NCKAP5: variants seen among roughly 807,000 people sequenced by gnomAD.
NCKAP5 encodes nck-associated protein 5.
NCKAP5 carries 92 observed loss-of-function variants against 167.0 expected under a neutral mutation model. The observed-to-expected ratio is 0.55, with a 90% CI of 0.47 to 0.66. The LOEUF is 0.66. NCKAP5 is among the 30% of genes least tolerant of loss of function. The pLI, the probability that NCKAP5 is intolerant of heterozygous loss-of-function variation, is 0.00. For synonymous variants in NCKAP5, 891 were observed against 877.4 expected, an observed-to-expected ratio of 1.02 and a Z score of -0.27; for missense variants, 2,378 against 2,315.0, an observed-to-expected ratio of 1.03 and a Z score of -0.56.
intron 6 of NCKAP5, among the ~76,000 whole-genome samples, chr2:133,085,221 C>A (rs1292416005): frequency 6.6e-6 from 1 of 152,076 alleles, no homozygotes; most frequent in African/African-American, 2.4e-5. Context: ...AAACATAGTA[C>A]TGCTAAGAAG....
chr2:133,257,391 T>A (rs1164213246), intron 4 of NCKAP5, among the ~76,000 whole-genome samples: 1 of 152,120 alleles, frequency 6.6e-6, no homozygotes, highest in East Asian at 1.9e-4. Context: ...ATAACAGGCG[T>A]AAGAATGGAG....
chr2:133,187,446 T>G (rs1367083586), intron 5 of NCKAP5, among the ~76,000 whole-genome samples: 2 of 152,080 alleles, frequency 1.3e-5, no homozygotes, highest in East Asian at 3.9e-4. Flanking sequence ...TCCCAGCTAC[T>G]TTGGAAGCTA....
chr2:132,775,136 G>A (rs10496693), intron 15 of NCKAP5, among the ~76,000 whole-genome samples: 42,298 of 152,092 alleles, frequency 0.28, 6,181 homozygotes, highest in East Asian at 0.42. Context: ...AGGCACGTAC[G>A]TTAGAGGTTG....
chr2:133,480,334 T>C (rs1390994213), intron 3 of NCKAP5, among the ~76,000 whole-genome samples: 1 of 152,174 alleles, frequency 6.6e-6, no homozygotes, highest in East Asian at 1.9e-4. Flanking sequence ...ATAGTTCTGC[T>C]TTCTCCTCCC....
At chr2:133,312,325 C>T (rs1681297507) in intron 3 of NCKAP5, among the ~76,000 whole-genome samples, 1 of 152,158 alleles carries the variant, frequency 6.6e-6, no homozygotes, top group African/African-American at 2.4e-5. Flanking sequence ...CAGAGTAAAA[C>T]ATACTTCAAT....
At position 132,672,996 on chromosome 2, in the gene NCKAP5, C is replaced by A. The variant is rs1408590021; in HGVS notation, c.*293G>T. On this transcript the variant is annotated 3_prime_UTR_variant, in exon 20 of 20. Transcript: ENST00000409261. ...CCCATCATTTCTTAAGCGCTCCAGTCCCAGCTCACTAAGGGAAGAGATGTC... is the reference window on the plus strand; with the variant it reads ...CCCATCATTTCTTAAGCGCTCCAGTACCAGCTCACTAAGGGAAGAGATGTC... 4.3e-6 allele frequency: 4 copies of A among 931,562 alleles called. No homozygotes were observed. The highest frequency in any genetic ancestry group is 5.0e-6 in the Non-Finnish European group (4 of 800,746). 57.7% of individuals were successfully genotyped at this position (931,562 alleles called of 1,614,324 possible).
chr2:133,084,566 T>G (rs928719444), intron 6 of NCKAP5, among the ~76,000 whole-genome samples: 2 of 152,188 alleles, frequency 1.3e-5, no homozygotes, highest in African/African-American at 4.8e-5. Flanking sequence ...ACTAAATGTC[T>G]TCACCAGGCT....
intron 16 of NCKAP5, among the ~76,000 whole-genome samples, chr2:132,758,718 T>C (rs1680759729): frequency 6.6e-6 from 1 of 152,020 alleles, no homozygotes. Flanking sequence ...GCTCCAAAGG[T>C]AGACAGGAAG....
chr2:133,587,751 G>T, the NCKAP5 span, among the ~76,000 whole-genome samples: 2 of 152,152 alleles, frequency 1.3e-5, no homozygotes, highest in Admixed American at 6.5e-5. Flanking sequence ...CTCTCTGAAG[G>T]CAGCATGCTA....
At chr2:132,957,643 C>A (rs1362643167) in intron 8 of NCKAP5, among the ~76,000 whole-genome samples, 6 of 152,180 alleles carry the variant, frequency 3.9e-5, no homozygotes, top group Non-Finnish European at 8.8e-5. Context: ...AATCCCTCTT[C>A]CCCAAGGCAG....
At chr2:133,367,929 G>C (rs1399687115) in intron 3 of NCKAP5, among the ~76,000 whole-genome samples, 4 of 152,184 alleles carry the variant, frequency 2.6e-5, no homozygotes, top group African/African-American at 9.7e-5. Flanking sequence ...GTGCACCTGT[G>C]TGATGCAGAC....
intron 9 of NCKAP5, among the ~76,000 whole-genome samples, chr2:132,871,935 C>A (rs973978160): frequency 6.6e-5 from 10 of 152,324 alleles, no homozygotes; most frequent in Middle Eastern, 3.4e-3. Context: ...TTTGTGCCTG[C>A]AACCTCTACT....
chr2:133,652,031 A>G, the NCKAP5 span, among the ~76,000 whole-genome samples: 1 of 152,208 alleles, frequency 6.6e-6, no homozygotes, highest in Non-Finnish European at 1.5e-5. Flanking sequence ...GTGGGAGAGC[A>G]TGGCCTGAAG....
At chr2:133,068,811 T>C (rs764347830) in intron 6 of NCKAP5, among the ~76,000 whole-genome samples, 11 of 152,190 alleles carry the variant, frequency 7.2e-5, no homozygotes, top group Admixed American at 1.3e-4. Context: ...TGTTAAATAT[T>C]TCAGAATATA....
intron 13 of NCKAP5, 100 bp from the exon 14 acceptor site, chr2:132,785,818 G>A (rs1683520714): frequency 2.1e-6 from 2 of 933,828 alleles, no homozygotes; most frequent in South Asian, 3.5e-5. Context: ...GCTAGTGGTT[G>A]GTAACTATTC....
At chr2:133,492,685 G>A (rs181586004) in intron 3 of NCKAP5, among the ~76,000 whole-genome samples, 20 of 152,224 alleles carry the variant, frequency 1.3e-4, no homozygotes, top group Admixed American at 6.5e-4. Flanking sequence ...TATATAACCT[G>A]TGAGATTGTA....
rs566175278 is a variant in NCKAP5, at chr2:133,206,580, A to T, written c.207+7136T>A. On this transcript the variant is annotated intron_variant, in intron 5 of 19. Transcript: ENST00000409261. ...CACTATTGTACAAACTGATTGCAGA[A>T]CATGTGTGTTTGAACAATATGAAAT... Among the ~76,000 whole-genome samples the T allele has an allele frequency of 2.0e-5, 3 of 152,338 alleles. 1 individual carries two copies. The highest frequency in any genetic ancestry group is 7.2e-5 in the African/African-American group (3 of 41,586).
chr2:132,933,783 T>A (rs1431879261), intron 8 of NCKAP5, among the ~76,000 whole-genome samples: 1 of 152,166 alleles, frequency 6.6e-6, no homozygotes, highest in Non-Finnish European at 1.5e-5. Context: ...TTATGATGAT[T>A]GTACTGAGAA....
At chr2:133,005,079 C>T (rs1256098427) in intron 6 of NCKAP5, among the ~76,000 whole-genome samples, 2 of 152,296 alleles carry the variant, frequency 1.3e-5, no homozygotes, top group East Asian at 1.9e-4. Flanking sequence ...ATTGTTCAAA[C>T]ACACGTTTTA....
Sources: gnomAD v4.1 joint callset for allele counts (sites outside exome capture counted in the v4.1 genomes callset) on GRCh38, gnomAD v4.1.1 for gene constraint, MANE v1.5 for transcripts, NCBI Gene and HGNC (gene_info 2026-07-23, HGNC 2026-07-21) for gene names.